AFAP1: variants seen among roughly 807,000 people sequenced by gnomAD.
AFAP1 encodes the protein actin filament-associated protein 1.
AFAP1 carries 75 observed loss-of-function variants against 93.9 expected under a neutral mutation model. That is an observed-to-expected ratio of 0.80 (90% CI 0.66 to 0.97). AFAP1 has a LOEUF of 0.97. Ranked by LOEUF, AFAP1 falls within the 50% of genes least tolerant of loss-of-function variation. The probability of loss-of-function intolerance (pLI) is 0.00; values close to 1 mark genes in which losing one functional copy is unlikely to be tolerated. For synonymous variants in AFAP1, 517 were observed against 430.7 expected (o/e 1.20, Z -2.48); for missense variants, 1,201 against 1,050.8 (o/e 1.14, Z -1.98).
intron 17 of AFAP1, among the ~76,000 whole-genome samples, chr4:7,768,040 T>G (rs1453150455): frequency 6.6e-6 from 1 of 152,212 alleles, no homozygotes; most frequent in Non-Finnish European, 1.5e-5. Context: ...GGCACCACTA[T>G]ACTCAGCCTG....
chr4:7,919,333 A>G (rs748730015), intron 1 of AFAP1, among the ~76,000 whole-genome samples: 3 of 152,264 alleles, frequency 2.0e-5, no homozygotes, highest in Non-Finnish European at 4.4e-5. Flanking sequence ...ACAGAGCTTC[A>G]GTCAGCGTCT....
chr4:7,876,013 C>A (rs772619545), intron 1 of AFAP1, among the ~76,000 whole-genome samples: 2 of 151,972 alleles, frequency 1.3e-5, no homozygotes, highest in African/African-American at 2.4e-5. Flanking sequence ...GGTGAATATA[C>A]CTAATGACAC....
At chr4:7,894,731 G>C (rs1329527138) in intron 1 of AFAP1, among the ~76,000 whole-genome samples, 1 of 152,192 alleles carries the variant, frequency 6.6e-6, no homozygotes, top group Non-Finnish European at 1.5e-5. Context: ...GAAGAGGTAG[G>C]TCTGAAATGA....
chr4:7,890,002 G>GT (rs1472899514), intron 1 of AFAP1, among the ~76,000 whole-genome samples: 1 of 34,044 alleles, frequency 2.9e-5, no homozygotes, highest in Non-Finnish European at 5.7e-5. Context: ...AGCAATTTTT[G>GT]TTAAAAAAAA....
At chr4:7,934,190 C>G (rs1036886368) in intron 1 of AFAP1, among the ~76,000 whole-genome samples, 1 of 152,344 alleles carries the variant, frequency 6.6e-6, no homozygotes, top group Middle Eastern at 3.4e-3. Context: ...CCTTTCCTTT[C>G]ACTTAGAAAC....
rs1298919429 is a variant in AFAP1, at chr4:7,830,031, T to C, written c.726+8493A>G. Among the ~76,000 whole-genome samples, 4 of 152,290 alleles carry C rather than the reference T, an allele frequency of 2.6e-5. No homozygotes were observed. In the Middle Eastern group the frequency reaches 0.01, roughly 388 times the overall value. ...GGTCTATTCATACAATAAAATGTTA[T>C]AGCCTGTAATAAAGAAAGAGGAAGT... is the stretch of plus-strand genomic sequence containing the variant. On this transcript the variant is annotated intron_variant, in intron 6 of 17. Coordinates refer to ENST00000420658, the MANE Select transcript of AFAP1 (RefSeq NM_001134647.2).
chr4:7,832,290 T>C (rs1236032358), intron 6 of AFAP1, among the ~76,000 whole-genome samples: 1 of 151,552 alleles, frequency 6.6e-6, no homozygotes, highest in Non-Finnish European at 1.5e-5. Context: ...ATCTCCCGTA[T>C]GATACAGATG....
intron 2 of AFAP1, among the ~76,000 whole-genome samples, chr4:7,869,138 T>G (rs1251065259): frequency 5.4e-5 from 3 of 55,584 alleles, no homozygotes; most frequent in African/African-American, 1.5e-4. Context: ...GAAAAAAGAA[T>G]AAAAGAGAAA....
intron 9 of AFAP1, among the ~76,000 whole-genome samples, chr4:7,806,096 C>T (rs1000604876): frequency 2.7e-4 from 41 of 152,124 alleles, no homozygotes; most frequent in Non-Finnish European, 4.1e-4. Flanking sequence ...AGGAGAAGGG[C>T]AAATAAGAGA....
chr4:7,847,707 G>C (rs1440596756), intron 4 of AFAP1, among the ~76,000 whole-genome samples: 1 of 149,378 alleles, frequency 6.7e-6, no homozygotes, highest in Non-Finnish European at 1.5e-5. Flanking sequence ...GCAGGGAAAA[G>C]AATTCCTGAT....
chr4:7,895,915 G>A (rs1368710233), intron 1 of AFAP1, among the ~76,000 whole-genome samples: 1 of 143,426 alleles, frequency 7.0e-6, no homozygotes, highest in Non-Finnish European at 1.5e-5. Context: ...CTGGAGTGCA[G>A]TGGCGCGATC....
chr4:7,793,453 ACTAT>A (rs751682590), intron 11 of AFAP1, among the ~76,000 whole-genome samples: 20 of 152,264 alleles, frequency 1.3e-4, no homozygotes, highest in Non-Finnish European at 2.2e-4. Context: ...AAAAATATTT[ACTAT>A]CTAAGTCCTT....
chr4:7,846,991 G>A (rs1189153426), intron 4 of AFAP1, among the ~76,000 whole-genome samples: 1 of 152,180 alleles, frequency 6.6e-6, no homozygotes, highest in East Asian at 1.9e-4. Flanking sequence ...ATGAGTTGAG[G>A]TCTACAGTTA....
At chr4:7,810,156 C>T (rs2149051804) in intron 8 of AFAP1, among the ~76,000 whole-genome samples, 1 of 152,344 alleles carries the variant, frequency 6.6e-6, no homozygotes, top group Non-Finnish European at 1.5e-5. Context: ...AGCCACCGTG[C>T]CCGGCCTTTC....
chr4:7,937,179 T>C (rs1159383652), intron 1 of AFAP1, among the ~76,000 whole-genome samples: 2 of 152,240 alleles, frequency 1.3e-5, no homozygotes, highest in Non-Finnish European at 2.9e-5. Context: ...GGTTTCATCA[T>C]AGATACTTGT....
At chr4:7,840,262 ATG>A (rs10611947) in intron 5 of AFAP1, among the ~76,000 whole-genome samples, 44,860 of 149,840 alleles carry the variant, frequency 0.3, 7,168 homozygotes, top group South Asian at 0.44. Flanking sequence ...TGTTTTTGGG[ATG>A]TGTGTGTGTG....
chr4:7,861,820 G>C (rs1715737679), intron 3 of AFAP1, among the ~76,000 whole-genome samples: 2 of 152,234 alleles, frequency 1.3e-5, no homozygotes, highest in South Asian at 2.1e-4. Context: ...ATCCACCAAA[G>C]GGTCACATCT....
chr4:7,818,870 G>A (rs1019401341), intron 7 of AFAP1, among the ~76,000 whole-genome samples: 1 of 152,208 alleles, frequency 6.6e-6, no homozygotes, highest in Non-Finnish European at 1.5e-5. Context: ...CTGTAGCTGG[G>A]AGTAACAACA....
chr4:7,929,439 C>T (rs1420189616), intron 1 of AFAP1, among the ~76,000 whole-genome samples: 1 of 152,244 alleles, frequency 6.6e-6, no homozygotes, highest in Non-Finnish European at 1.5e-5. Flanking sequence ...TCAGGAAAAG[C>T]TGAACATTTG....
Sources: gnomAD v4.1 joint callset for allele counts (sites outside exome capture counted in the v4.1 genomes callset) on GRCh38, gnomAD v4.1.1 for gene constraint, MANE v1.5 for transcripts, NCBI Gene and HGNC (gene_info 2026-07-23, HGNC 2026-07-21) for gene names.